KCNMA1: variants seen among roughly 807,000 people sequenced by gnomAD.
The protein encoded by KCNMA1 is potassium calcium-activated channel subfamily M alpha 1, also known as Calcium-activated potassium channel subunit alpha-1.
Under a neutral mutation model 140.0 loss-of-function variants are expected in KCNMA1, and 29 were observed. The observed-to-expected ratio is 0.21, with a 90% CI of 0.15 to 0.28. The LOEUF is 0.28. Ranked by LOEUF, KCNMA1 falls within the 10% of genes least tolerant of loss-of-function variation. The pLI, the probability that KCNMA1 is intolerant of heterozygous loss-of-function variation, is 1.00. For missense variants in KCNMA1, 880 were observed against 1,602.2 expected, an observed-to-expected ratio of 0.55 and a Z score of 7.70; for synonymous variants, 612 against 611.9, an observed-to-expected ratio of 1.00 and a Z score of 0.00.
intron 14 of KCNMA1, among the ~76,000 whole-genome samples, chr10:77,050,152 G>A (rs185768104): frequency 2.0e-3 from 305 of 151,916 alleles, no homozygotes; most frequent in African/African-American, 6.9e-3. Flanking sequence ...TCATTTTTTG[G>A]ATTCCAAAGT....
At chr10:77,421,951 C>A (rs2096875330) in intron 1 of KCNMA1, among the ~76,000 whole-genome samples, 1 of 152,222 alleles carries the variant, frequency 6.6e-6, no homozygotes, top group Admixed American at 6.5e-5. Context: ...AAACTCCATA[C>A]AAAAGGGACA....
At chr10:76,919,823 T>G (rs987556665) in intron 23 of KCNMA1, among the ~76,000 whole-genome samples, 11 of 152,060 alleles carry the variant, frequency 7.2e-5, no homozygotes, top group African/African-American at 2.4e-4. Flanking sequence ...TAAAAAATGC[T>G]GGCTACCAAT....
At chr10:77,409,232 C>T (rs1005538675) in intron 1 of KCNMA1, among the ~76,000 whole-genome samples, 5 of 152,200 alleles carry the variant, frequency 3.3e-5, no homozygotes, top group Non-Finnish European at 7.3e-5. Context: ...TCATCTGATG[C>T]GTTTGGGCAT....
chr10:77,539,061 G>A (rs1043755360), intron 1 of KCNMA1, among the ~76,000 whole-genome samples: 7 of 152,082 alleles, frequency 4.6e-5, no homozygotes, highest in South Asian at 2.1e-4. Context: ...TGGTTGGTCC[G>A]GGAGGACCCT....
intron 15 of KCNMA1, 79 bp from the exon 16 acceptor site, chr10:77,027,970 C>A: frequency 7.9e-7 from 1 of 1,269,268 alleles, no homozygotes; most frequent in Non-Finnish European, 1.1e-6. Flanking sequence ...TACGATCTTT[C>A]GGTCTCCTAA....
chr10:77,297,372 A>T (rs79400867), intron 2 of KCNMA1, among the ~76,000 whole-genome samples: 3,906 of 152,328 alleles, frequency 0.026, 156 homozygotes, highest in African/African-American at 0.089. Context: ...TAAAGAGCTA[A>T]AGATATAACA....
chr10:76,947,588 G>A (rs994473616), intron 22 of KCNMA1, among the ~76,000 whole-genome samples: 4 of 152,136 alleles, frequency 2.6e-5, no homozygotes, highest in Admixed American at 6.5e-5. Context: ...TAATCAAATC[G>A]ACCATATTTC....
chr10:77,304,200 C>G (rs1199965127), intron 2 of KCNMA1, among the ~76,000 whole-genome samples: 1 of 152,208 alleles, frequency 6.6e-6, no homozygotes, highest in Admixed American at 6.5e-5. Flanking sequence ...GAATGAGATA[C>G]CCTGCAGGTG....
chr10:77,456,522 T>A (rs947486874), intron 1 of KCNMA1, among the ~76,000 whole-genome samples: 2 of 152,234 alleles, frequency 1.3e-5, no homozygotes, highest in Non-Finnish European at 2.9e-5. Flanking sequence ...AGGGACATCA[T>A]CTATCTTGAT....
At chr10:76,976,041 G>C (rs1225590027) in intron 19 of KCNMA1, among the ~76,000 whole-genome samples, 1 of 152,118 alleles carries the variant, frequency 6.6e-6, no homozygotes, top group Non-Finnish European at 1.5e-5. Context: ...ATTCTGGCAG[G>C]ATAATTTCAC....
intron 3 of KCNMA1, among the ~76,000 whole-genome samples, chr10:77,217,718 T>C (rs963715205): frequency 3.4e-5 from 5 of 146,448 alleles, no homozygotes. Context: ...AATTGATTTA[T>C]GAACTAAACC....
At position 77,405,644 on chromosome 10, in the gene KCNMA1, C is replaced by T. The variant is rs147992242; in HGVS notation, c.379-1621G>A. On this transcript the variant is annotated intron_variant, in intron 1 of 27. Transcript: ENST00000286628. ...ATTTAACTGGACCCCAACACAAATACCCACTGCAACTATGACTGCAGATGA... is the reference window on the plus strand; with the variant it reads ...ATTTAACTGGACCCCAACACAAATATCCACTGCAACTATGACTGCAGATGA... 2.6e-4 allele frequency among the ~76,000 whole-genome samples: 40 copies of T among 152,278 alleles called. No individual in the cohort carries two copies. In the East Asian group the frequency reaches 7.3e-3, roughly 28 times the overall value.
chr10:77,441,710 C>A (rs964040016), intron 1 of KCNMA1, among the ~76,000 whole-genome samples: 1 of 152,132 alleles, frequency 6.6e-6, no homozygotes, highest in Non-Finnish European at 1.5e-5. Context: ...TCCTGTTAAC[C>A]ACTCTGCGAC....
At chr10:77,023,304 A>G (rs915923488) in intron 16 of KCNMA1, among the ~76,000 whole-genome samples, 2 of 152,166 alleles carry the variant, frequency 1.3e-5, no homozygotes, top group African/African-American at 4.8e-5. Flanking sequence ...AGTGAAACAG[A>G]TATTGTTTAA....
intron 14 of KCNMA1, among the ~76,000 whole-genome samples, chr10:77,044,346 G>GA (rs142330794): frequency 4.1e-4 from 60 of 146,422 alleles, no homozygotes; most frequent in East Asian, 9.8e-4. Context: ...TCTTAGGACA[G>GA]AAAAAAAAAA....
intron 20 of KCNMA1, among the ~76,000 whole-genome samples, chr10:76,966,029 C>G (rs1233326228): frequency 6.6e-6 from 1 of 152,176 alleles, no homozygotes; most frequent in Non-Finnish European, 1.5e-5. Flanking sequence ...CTCTGCTAAA[C>G]TATAAGCATT....
At chr10:77,251,358 C>T in intron 2 of KCNMA1, 102 bp from the exon 3 acceptor site, 1 of 829,912 alleles carries the variant, frequency 1.2e-6, no homozygotes, top group Non-Finnish European at 2.0e-6. Context: ...GTGCCCATTG[C>T]CCTTGGGGAC....
At chr10:77,311,163 G>C (rs908523513) in intron 2 of KCNMA1, among the ~76,000 whole-genome samples, 35 of 152,180 alleles carry the variant, frequency 2.3e-4, no homozygotes, top group Admixed American at 2.2e-3. Flanking sequence ...AAAAAAGCAA[G>C]AAGAATCACC....
At chr10:77,014,121 T>TACGA (rs1378374548) in intron 17 of KCNMA1, among the ~76,000 whole-genome samples, 1 of 152,194 alleles carries the variant, frequency 6.6e-6, no homozygotes, top group Non-Finnish European at 1.5e-5. Flanking sequence ...CCTTTTGTGG[T>TACGA]ACGAACACTT....
Sources: gnomAD v4.1 joint callset for allele counts (sites outside exome capture counted in the v4.1 genomes callset) on GRCh38, gnomAD v4.1.1 for gene constraint, MANE v1.5 for transcripts, NCBI Gene and HGNC (gene_info 2026-07-23, HGNC 2026-07-21) for gene names.